NOS1AP: variants seen among roughly 807,000 people sequenced by gnomAD.
NOS1AP encodes carboxyl-terminal PDZ ligand of neuronal nitric oxide synthase protein.
A neutral mutation model predicts 56.2 loss-of-function variants in NOS1AP; 21 were observed. That is an observed-to-expected ratio of 0.37 (90% CI 0.26 to 0.54). NOS1AP has a LOEUF of 0.54. Among genes scored for constraint, NOS1AP ranks in the 20% least tolerant of loss-of-function variants. NOS1AP has a pLI of 0.84. For missense variants in NOS1AP, 522 were observed against 657.8 expected (o/e 0.79, Z 2.26); for synonymous variants, 270 against 274.6 (o/e 0.98, Z 0.17).
chr1:162,247,274 A>T (rs187202012), intron 2 of NOS1AP, among the ~76,000 whole-genome samples: 52 of 152,318 alleles, frequency 3.4e-4, no homozygotes, highest in African/African-American at 1.2e-3. Flanking sequence ...CTCAGGAAAG[A>T]TGCTCTGATC....
intron 3 of NOS1AP, among the ~76,000 whole-genome samples, chr1:162,298,377 G>A (rs1003548533): frequency 2.6e-5 from 4 of 152,298 alleles, no homozygotes; most frequent in East Asian, 1.9e-4. Context: ...TGTTGTCAGC[G>A]GATGCCATGT....
intron 1 of NOS1AP, among the ~76,000 whole-genome samples, chr1:162,071,312 C>T (rs1194503589): frequency 1.3e-5 from 2 of 152,188 alleles, no homozygotes; most frequent in East Asian, 3.8e-4. Flanking sequence ...GACAGTTTGA[C>T]TCTTTGTTCT....
chr1:162,185,205 A>G (rs1571108999), intron 2 of NOS1AP, among the ~76,000 whole-genome samples: 1 of 152,148 alleles, frequency 6.6e-6, no homozygotes, highest in Non-Finnish European at 1.5e-5. Context: ...CCAGTGGCTG[A>G]TCCAGGATAA....
intron 2 of NOS1AP, among the ~76,000 whole-genome samples, chr1:162,240,977 G>A (rs1653473077): frequency 6.6e-6 from 1 of 152,184 alleles, no homozygotes; most frequent in Non-Finnish European, 1.5e-5. Flanking sequence ...TTCAAGGGCT[G>A]TTGGCTGAAA....
At chr1:162,195,808 T>C (rs556917332) in intron 2 of NOS1AP, among the ~76,000 whole-genome samples, 7 of 152,356 alleles carry the variant, frequency 4.6e-5, no homozygotes, top group East Asian at 1.9e-4. Context: ...TCTTGTTTCA[T>C]GTATAGCCCG....
At chr1:162,170,351 G>A (rs1650705649) in intron 2 of NOS1AP, among the ~76,000 whole-genome samples, 1 of 152,184 alleles carries the variant, frequency 6.6e-6, no homozygotes, top group South Asian at 2.1e-4. Context: ...TACAGATAAG[G>A]TAACTGAGAT....
chr1:162,287,415 G>A lies in NOS1AP; in HGVS notation c.249G>A (p.Val83=), dbSNP rs1309525384. The A allele has an allele frequency of 6.2e-7, 1 of 1,612,294 alleles. No individual in the cohort carries two copies. Among genetic ancestry groups the A allele is most frequent in the Non-Finnish European group, 8.5e-7 (1 of 1,178,328 alleles). Residue 83 remains valine (V), a synonymous_variant, in exon 3 of 10, where the codon GTG becomes GTA. Transcript: ENST00000361897. The part of the protein sequence containing the change: ...SIMVSVDGVK[V]ILKKKKKLLL... ...TGGTTTCAGTGGATGGAGTGAAAGTGATTCTGAAGAAGAAGAAAAAGGTAA... is the reference window on the plus strand; with the variant it reads ...TGGTTTCAGTGGATGGAGTGAAAGTAATTCTGAAGAAGAAGAAAAAGGTAA...
At chr1:162,173,508 G>A (rs1237742331) in intron 2 of NOS1AP, among the ~76,000 whole-genome samples, 1 of 152,086 alleles carries the variant, frequency 6.6e-6, no homozygotes, top group Non-Finnish European at 1.5e-5. Context: ...CATAGGCATG[G>A]GCAAGGACTT....
At chr1:162,226,009 A>G (rs1258777281) in intron 2 of NOS1AP, among the ~76,000 whole-genome samples, 1 of 152,228 alleles carries the variant, frequency 6.6e-6, no homozygotes, top group Non-Finnish European at 1.5e-5. Flanking sequence ...AGGAATGTTT[A>G]TTGGCTGGGC....
At chr1:162,311,917 A>AT (rs1330984633) in intron 4 of NOS1AP, among the ~76,000 whole-genome samples, 1 of 125,206 alleles carries the variant, frequency 8.0e-6, no homozygotes, top group African/African-American at 3.1e-5. Context: ...TGAACTCATC[A>AT]TTTTTTATGG....
chr1:162,158,131 T>C (rs2102102967), intron 2 of NOS1AP, among the ~76,000 whole-genome samples: 1 of 152,334 alleles, frequency 6.6e-6, no homozygotes, highest in East Asian at 1.9e-4. Flanking sequence ...ATGGACACTC[T>C]ATACCCATTA....
At chr1:162,249,650 G>A (rs1653787800) in intron 2 of NOS1AP, among the ~76,000 whole-genome samples, 1 of 152,180 alleles carries the variant, frequency 6.6e-6, no homozygotes, top group Admixed American at 6.5e-5. Context: ...GGTTGAATAT[G>A]TGTTAATTTG....
At chr1:162,332,059 C>T (rs1243263280) in intron 4 of NOS1AP, among the ~76,000 whole-genome samples, 1 of 152,214 alleles carries the variant, frequency 6.6e-6, no homozygotes, top group East Asian at 1.9e-4. Context: ...ACATTTTGGC[C>T]TCTGGCTGCA....
intron 6 of NOS1AP, among the ~76,000 whole-genome samples, chr1:162,348,401 TGTG>T (rs1238955756): frequency 6.6e-6 from 1 of 152,110 alleles, no homozygotes; most frequent in African/African-American, 2.4e-5. Flanking sequence ...TAGAGGCCAG[TGTG>T]GTCACACTCC....
chr1:162,282,952 T>C (rs1571188342), intron 2 of NOS1AP, among the ~76,000 whole-genome samples: 1 of 152,184 alleles, frequency 6.6e-6, no homozygotes, highest in East Asian at 1.9e-4. Flanking sequence ...AAATGAATTT[T>C]ATGGTTAAGA....
intron 1 of NOS1AP, among the ~76,000 whole-genome samples, chr1:162,076,896 G>A (rs1230194939): frequency 6.6e-6 from 1 of 152,100 alleles, no homozygotes; most frequent in Non-Finnish European, 1.5e-5. Flanking sequence ...GTGTTTCAGG[G>A]TTCATCTATA....
At chr1:162,355,634 T>C (rs554443570) in intron 7 of NOS1AP, among the ~76,000 whole-genome samples, 28 of 152,230 alleles carry the variant, frequency 1.8e-4, no homozygotes, top group African/African-American at 6.7e-4. Context: ...CCCTCTTCCC[T>C]TAACAGCATC....
At chr1:162,179,901 T>A (rs1238254761) in intron 2 of NOS1AP, among the ~76,000 whole-genome samples, 2 of 152,184 alleles carry the variant, frequency 1.3e-5, no homozygotes, top group Non-Finnish European at 2.9e-5. Flanking sequence ...AAGCTCTCTC[T>A]AGAGGTGATG....
chr1:162,353,516 G>A (rs1035385348), intron 6 of NOS1AP, among the ~76,000 whole-genome samples: 16 of 152,150 alleles, frequency 1.1e-4, no homozygotes, highest in African/African-American at 3.4e-4. Context: ...CCTGCAGCCT[G>A]TTCTCCTGTT....
Sources: gnomAD v4.1 joint callset for allele counts (sites outside exome capture counted in the v4.1 genomes callset) on GRCh38, gnomAD v4.1.1 for gene constraint, MANE v1.5 for transcripts, NCBI Gene and HGNC (gene_info 2026-07-23, HGNC 2026-07-21) for gene names.